The following NRXN1 variants were observed in gnomAD, a reference collection of about 807,000 sequenced individuals.
NRXN1 encodes neurexin 1, also known as neurexin-1.
In NRXN1, 39 loss-of-function variants were observed where a neutral mutation model predicts 150.9. The observed-to-expected ratio is 0.26, with a 90% CI of 0.20 to 0.34. The LOEUF is 0.34. Ranked by LOEUF, NRXN1 falls within the 10% of genes least tolerant of loss-of-function variation. The pLI, the probability that NRXN1 is intolerant of heterozygous loss-of-function variation, is 1.00. For missense variants in NRXN1, 1,815 were observed against 1,949.9 expected (o/e 0.93, Z 1.30); for synonymous variants, 924 against 757.0 (o/e 1.22, Z -3.62).
At chr2:50,671,589 T>C (rs750674705) in intron 5 of NRXN1, among the ~76,000 whole-genome samples, 14 of 151,774 alleles carry the variant, frequency 9.2e-5, no homozygotes, top group Non-Finnish European at 1.5e-5. Flanking sequence ...AAATATATAC[T>C]ATTGATAGGA....
At chr2:49,973,035 T>A (rs1357647708) in intron 21 of NRXN1, 1 of 152,204 alleles carries the variant, frequency 6.6e-6, no homozygotes, top group African/African-American at 2.4e-5. Flanking sequence ...TGCCAAGGCA[T>A]TTTTGCTTTT....
chr2:50,728,030 T>A (rs1044574652), intron 5 of NRXN1, among the ~76,000 whole-genome samples: 31 of 152,286 alleles, frequency 2.0e-4, no homozygotes, highest in African/African-American at 6.5e-4. Context: ...AGAATCTGTA[T>A]CATTATTTAA....
chr2:50,551,115 G>A (rs1241009241), intron 9 of NRXN1, among the ~76,000 whole-genome samples: 4 of 129,316 alleles, frequency 3.1e-5, no homozygotes, highest in Non-Finnish European at 4.9e-5. Flanking sequence ...GGAGGGGGAG[G>A]GGGAGGGGGA....
chr2:50,032,685 G>A (rs1689358699), intron 21 of NRXN1, among the ~76,000 whole-genome samples: 1 of 151,888 alleles, frequency 6.6e-6, no homozygotes. Context: ...AATTATAAAG[G>A]TGGGGCCCTA....
chr2:50,971,358 G>A (rs1694965024), intron 2 of NRXN1, among the ~76,000 whole-genome samples: 1 of 152,060 alleles, frequency 6.6e-6, no homozygotes, highest in South Asian at 2.1e-4. Flanking sequence ...GCCACAGTGG[G>A]CGGATCACAA....
chr2:50,160,857 A>G (rs149892547), intron 18 of NRXN1, among the ~76,000 whole-genome samples: 64 of 152,270 alleles, frequency 4.2e-4, no homozygotes, highest in African/African-American at 1.5e-3. Flanking sequence ...ACAGTGTGAG[A>G]TTATTTCCTG....
At chr2:50,083,662 C>A (rs1415923858) in intron 19 of NRXN1, among the ~76,000 whole-genome samples, 2 of 152,176 alleles carry the variant, frequency 1.3e-5, no homozygotes, top group Admixed American at 6.5e-5. Flanking sequence ...CCACCCACAT[C>A]CTGCTGATCG....
chr2:50,563,046 A>C (rs917665863), intron 8 of NRXN1, among the ~76,000 whole-genome samples: 12 of 152,164 alleles, frequency 7.9e-5, no homozygotes, highest in Admixed American at 6.5e-4. Context: ...TAATCAGTTT[A>C]TTCACTTCAA....
At chr2:50,596,248 A>AT (rs1344821214) in intron 8 of NRXN1, among the ~76,000 whole-genome samples, 1 of 152,182 alleles carries the variant, frequency 6.6e-6, no homozygotes, top group Admixed American at 6.5e-5. Context: ...TTGGATAAAT[A>AT]TTTTTTTCAA....
At chr2:50,783,519 G>T (rs1047848899) in intron 5 of NRXN1, among the ~76,000 whole-genome samples, 1 of 151,964 alleles carries the variant, frequency 6.6e-6, no homozygotes, top group Admixed American at 6.6e-5. Context: ...TTTTTATTTT[G>T]TCCTGGACAC....
intron 17 of NRXN1, among the ~76,000 whole-genome samples, chr2:50,441,130 C>T (rs1002163106): frequency 1.3e-5 from 2 of 152,090 alleles, no homozygotes; most frequent in Admixed American, 6.5e-5. Context: ...GGTTTTTCAT[C>T]AGAACACCAT....
At chr2:50,103,370 A>G (rs1336035105) in intron 18 of NRXN1, among the ~76,000 whole-genome samples, 1 of 151,886 alleles carries the variant, frequency 6.6e-6, no homozygotes, top group Non-Finnish European at 1.5e-5. Flanking sequence ...AAATCACTTG[A>G]CTGGTTTTTC....
At chr2:50,841,540 C>G (rs530334051) in intron 5 of NRXN1, among the ~76,000 whole-genome samples, 1 of 152,110 alleles carries the variant, frequency 6.6e-6, no homozygotes, top group African/African-American at 2.4e-5. Flanking sequence ...CCTTTATTTG[C>G]GTTATGTAAA....
chr2:50,573,070 A>G (rs1398176884), intron 8 of NRXN1, among the ~76,000 whole-genome samples: 1 of 152,182 alleles, frequency 6.6e-6, no homozygotes, highest in Non-Finnish European at 1.5e-5. Flanking sequence ...TATTATATTC[A>G]CATATAAAAT....
At chr2:50,229,578 T>C (rs2064746735) in intron 18 of NRXN1, among the ~76,000 whole-genome samples, 1 of 152,016 alleles carries the variant, frequency 6.6e-6, no homozygotes, top group Non-Finnish European at 1.5e-5. Context: ...AGGGTAAACA[T>C]ATTGGATATG....
intron 5 of NRXN1, among the ~76,000 whole-genome samples, chr2:50,729,759 T>C (rs1010272981): frequency 2.0e-5 from 3 of 152,168 alleles, no homozygotes; most frequent in Non-Finnish European, 2.9e-5. Flanking sequence ...CCTTGCTTCT[T>C]TGCATTCTCC....
chr2:50,544,093 T>G, intron 9 of NRXN1, among the ~76,000 whole-genome samples: 1 of 152,148 alleles, frequency 6.6e-6, no homozygotes, highest in East Asian at 1.9e-4. Context: ...ATTGTTTAAA[T>G]TAATGTCAAT....
chr2:50,121,627 C>T (rs1460909653), intron 18 of NRXN1, among the ~76,000 whole-genome samples: 1 of 152,150 alleles, frequency 6.6e-6, no homozygotes, highest in Non-Finnish European at 1.5e-5. Flanking sequence ...TTATACACTA[C>T]ATTGAAGGCT....
chr2:50,701,019 T>C (rs1693667333), intron 5 of NRXN1, among the ~76,000 whole-genome samples: 1 of 152,096 alleles, frequency 6.6e-6, no homozygotes, highest in Non-Finnish European at 1.5e-5. Flanking sequence ...CTTCTTCCAC[T>C]ACATCATAGA....
Sources: gnomAD v4.1 joint callset for allele counts (sites outside exome capture counted in the v4.1 genomes callset) on GRCh38, gnomAD v4.1.1 for gene constraint, MANE v1.5 for transcripts, NCBI Gene and HGNC (gene_info 2026-07-23, HGNC 2026-07-21) for gene names.